Variants in SESTD1 observed in about 807,000 individuals in gnomAD.
SESTD1 encodes the protein SEC14 domain and spectrin repeat-containing protein 1.
In SESTD1, 43 loss-of-function variants were observed where a neutral mutation model predicts 101.7. The observed-to-expected ratio is 0.42, with a 90% CI of 0.33 to 0.55. The LOEUF (loss-of-function observed/expected upper bound fraction) is 0.55, where lower values mean the gene tolerates loss of function less well. Among genes scored for constraint, SESTD1 ranks in the 20% least tolerant of loss-of-function variants. The probability of loss-of-function intolerance (pLI) is 0.07; values close to 1 mark genes in which losing one functional copy is unlikely to be tolerated. For synonymous variants in SESTD1, 283 were observed against 286.8 expected (o/e 0.99, Z 0.13); for missense variants, 647 against 815.1 (o/e 0.79, Z 2.51).
Position 179,143,929 on chromosome 2 carries a change from T to C in SESTD1, c.638-126A>G, listed in dbSNP as rs998285964. 2.6e-5 allele frequency: 25 copies of C among 951,274 alleles called. 1 individual carries two copies. The highest frequency in any genetic ancestry group is 3.5e-5 in the Non-Finnish European group (23 of 655,492). 58.9% of individuals were successfully genotyped at this position (951,274 alleles called of 1,614,324 possible). On this transcript the variant is annotated intron_variant, in intron 8 of 17. Transcript: ENST00000428443. ...ACCTACATATCTACCAGGTTATAAA[T>C]GGAATTTAAAAATGTATGTATCACA...
At chr2:179,203,279 C>T (rs1304078178) in intron 1 of SESTD1, among the ~76,000 whole-genome samples, 1 of 134,946 alleles carries the variant, frequency 7.4e-6, no homozygotes, top group East Asian at 2.0e-4. Context: ...TATTTTTATA[C>T]TTTCGCTAAT....
intron 5 of SESTD1, among the ~76,000 whole-genome samples, chr2:179,158,017 T>C (rs781215448): frequency 8.5e-5 from 13 of 152,190 alleles, no homozygotes; most frequent in Middle Eastern, 3.4e-3. Flanking sequence ...CCAAATGATT[T>C]CCAAACCCTT....
chr2:179,129,521 T>C (rs886257930), intron 10 of SESTD1, among the ~76,000 whole-genome samples: 4 of 152,210 alleles, frequency 2.6e-5, no homozygotes, highest in Non-Finnish European at 5.9e-5. Context: ...TTTTTAGCTT[T>C]ATTTCTGCAT....
intron 1 of SESTD1, among the ~76,000 whole-genome samples, chr2:179,196,379 G>C (rs1434148438): frequency 6.6e-6 from 1 of 152,242 alleles, no homozygotes; most frequent in Non-Finnish European, 1.5e-5. Flanking sequence ...GAGGCTGGGA[G>C]AGGGGCGCCA....
rs1033858744 is a variant in SESTD1 at position 179,239,243 on chromosome 2, T to A, written c.-26+25256A>T. 1.6e-4 allele frequency among the ~76,000 whole-genome samples: 25 copies of A among 152,306 alleles called. No individual in the cohort carries two copies. In the East Asian group the frequency reaches 3.5e-3, roughly 21 times the overall value. ...AAAAAATGAATAGAGAATTTTTTTT[T>A]AAATCTTTGAGAGAATAATCCTGAA... On this transcript the variant is annotated intron_variant, in intron 1 of 17. Coordinates refer to ENST00000428443, the MANE Select transcript of SESTD1 (RefSeq NM_178123.5).
At chr2:179,112,048 AT>A (rs771395445) in intron 17 of SESTD1, among the ~76,000 whole-genome samples, 2 of 152,160 alleles carry the variant, frequency 1.3e-5, no homozygotes, top group Non-Finnish European at 2.9e-5. Flanking sequence ...TTCCTGATCC[AT>A]TTATTTTGCA....
chr2:179,155,426 T>A (rs2045609447), intron 5 of SESTD1, among the ~76,000 whole-genome samples: 1 of 152,076 alleles, frequency 6.6e-6, no homozygotes, highest in Non-Finnish European at 1.5e-5. Flanking sequence ...TGAATTCACA[T>A]CTGAAAAGAT....
chr2:179,158,431 G>A (rs991780482), intron 5 of SESTD1, among the ~76,000 whole-genome samples: 2 of 152,104 alleles, frequency 1.3e-5, no homozygotes, highest in Non-Finnish European at 2.9e-5. Context: ...CAAGTTTAAT[G>A]AGCCACACGG....
chr2:179,126,687 C>T (rs953168920), intron 10 of SESTD1, among the ~76,000 whole-genome samples: 2 of 152,132 alleles, frequency 1.3e-5, no homozygotes, highest in African/African-American at 4.8e-5. Context: ...CTGACCCCTC[C>T]CATGAACCCC....
chr2:179,193,574 T>C (rs1559138134), intron 1 of SESTD1, among the ~76,000 whole-genome samples: 1 of 152,238 alleles, frequency 6.6e-6, no homozygotes, highest in Non-Finnish European at 1.5e-5. Context: ...TAATAATTAT[T>C]ATAATTAACA....
intron 5 of SESTD1, among the ~76,000 whole-genome samples, chr2:179,151,891 A>G (rs1000337163): frequency 5.9e-5 from 9 of 152,162 alleles, no homozygotes; most frequent in African/African-American, 2.2e-4. Context: ...GTATGCCAAT[A>G]TTTAATTTTT....
At chr2:179,192,663 G>GT (rs151009367) in intron 1 of SESTD1, among the ~76,000 whole-genome samples, 8,464 of 152,296 alleles carry the variant, frequency 0.056, 324 homozygotes, top group South Asian at 0.14. Context: ...GGGCAAGATA[G>GT]TTTCCCTTAA....
At position 179,172,714 on chromosome 2, in the gene SESTD1, A is replaced by G. The variant is rs1246734159; in HGVS notation, c.256-481T>C. 3.9e-5 allele frequency among the ~76,000 whole-genome samples: 6 copies of G among 152,358 alleles called. No individual in the cohort carries two copies. In the East Asian group the frequency reaches 7.7e-4, roughly 20 times the overall value. ...TTACATGATTATTAACTTGAAGAAG[A>G]GGACAAAAAGCTAATCTTTGACGAA... On this transcript the variant is annotated intron_variant, in intron 4 of 17. Transcript: ENST00000428443.
At chr2:179,156,142 G>GTA (rs531450569) in intron 5 of SESTD1, among the ~76,000 whole-genome samples, 2 of 151,462 alleles carry the variant, frequency 1.3e-5, no homozygotes, top group South Asian at 2.1e-4. Context: ...ACGTATATAT[G>GTA]TATATATATG....
chr2:179,228,919 GGGGGCT>G (rs1372123860), intron 1 of SESTD1, among the ~76,000 whole-genome samples: 1 of 152,122 alleles, frequency 6.6e-6, no homozygotes, highest in Non-Finnish European at 1.5e-5. Context: ...AACACAAAGT[GGGGGCT>G]GGAGGCAAGG....
intron 1 of SESTD1, among the ~76,000 whole-genome samples, chr2:179,196,292 G>A (rs997764031): frequency 1.3e-5 from 2 of 152,206 alleles, no homozygotes; most frequent in African/African-American, 4.8e-5. Flanking sequence ...CCCGCACCTG[G>A]CTCGGAGGGT....
At position 179,103,032 on chromosome 2, in the gene SESTD1, C is replaced by T. The variant is rs1200196246; in HGVS notation, c.*6867G>A. ...CATCACAGAAATAACCTTTTCTGTT[C>T]AATGATCAGTCTTACTTTACCTACT... is the stretch of plus-strand genomic sequence containing the variant. On this transcript the variant is annotated 3_prime_UTR_variant, in exon 18 of 18. Coordinates refer to ENST00000428443, the MANE Select transcript of SESTD1 (RefSeq NM_178123.5). The T allele has an allele frequency of 1.3e-5, 2 of 152,058 alleles. No individual in the cohort carries two copies. Among genetic ancestry groups the T allele is most frequent in the Non-Finnish European group, 2.9e-5 (2 of 67,990 alleles). 9.4% of individuals were successfully genotyped at this position (152,058 alleles called of 1,614,324 possible). A position where few individuals can be genotyped will look rare whatever the true frequency, so the allele number is the denominator to read the frequency against.
intron 1 of SESTD1, among the ~76,000 whole-genome samples, chr2:179,209,271 A>T (rs2046623456): frequency 1.5e-5 from 2 of 134,422 alleles, no homozygotes; most frequent in Non-Finnish European, 3.2e-5. Flanking sequence ...ACACAATAAT[A>T]CTGGGGAAAT....
At chr2:179,159,914 G>A (rs1253900349) in intron 5 of SESTD1, among the ~76,000 whole-genome samples, 1 of 152,210 alleles carries the variant, frequency 6.6e-6, no homozygotes, top group Non-Finnish European at 1.5e-5. Flanking sequence ...GAGTGCAATA[G>A]CACGATCTCA....
Sources: gnomAD v4.1 joint callset for allele counts (sites outside exome capture counted in the v4.1 genomes callset) on GRCh38, gnomAD v4.1.1 for gene constraint, MANE v1.5 for transcripts, NCBI Gene and HGNC (gene_info 2026-07-23, HGNC 2026-07-21) for gene names.